The following MBOAT2 variants were observed in gnomAD, a reference collection of about 807,000 sequenced individuals.
MBOAT2 encodes the protein membrane bound glycerophospholipid O-acyltransferase 2.
In MBOAT2, 28 loss-of-function variants were observed where a neutral mutation model predicts 63.4. That is an observed-to-expected ratio of 0.44 (90% CI 0.33 to 0.61). The LOEUF is 0.61. Ranked by LOEUF, MBOAT2 falls within the 20% of genes least tolerant of loss-of-function variation. The pLI, the probability that MBOAT2 is intolerant of heterozygous loss-of-function variation, is 0.03. For synonymous variants in MBOAT2, 211 were observed against 215.6 expected (o/e 0.98, Z 0.19); for missense variants, 470 against 605.8 (o/e 0.78, Z 2.35).
chr2:8,873,537 T>A (rs1662493718), intron 7 of MBOAT2, among the ~76,000 whole-genome samples: 1 of 151,932 alleles, frequency 6.6e-6, no homozygotes, highest in Admixed American at 6.6e-5. Context: ...CATACTAAAA[T>A]CTCCATTTTG....
At chr2:8,947,170 A>C (rs1336208892) in intron 2 of MBOAT2, among the ~76,000 whole-genome samples, 1 of 152,262 alleles carries the variant, frequency 6.6e-6, no homozygotes, top group East Asian at 1.9e-4. Context: ...CAGAAGCTCA[A>C]ACCAGCCAAA....
At chr2:9,002,193 A>C (rs1672738156) in intron 1 of MBOAT2, among the ~76,000 whole-genome samples, 1 of 152,248 alleles carries the variant, frequency 6.6e-6, no homozygotes, top group African/African-American at 2.4e-5. Context: ...ATACTTTATT[A>C]GCAAGACACC....
intron 1 of MBOAT2, chr2:8,974,312 G>A (rs759411012): frequency 7.5e-5 from 34 of 452,768 alleles, no homozygotes; most frequent in Non-Finnish European, 1.2e-4. Context: ...GGGATTACTG[G>A]GAAAGTCTTC....
At chr2:8,969,939 T>C (rs1048840574) in intron 1 of MBOAT2, among the ~76,000 whole-genome samples, 3 of 152,196 alleles carry the variant, frequency 2.0e-5, no homozygotes, top group African/African-American at 7.2e-5. Context: ...TAACACCCAC[T>C]GTCAACATCA....
chr2:8,882,911 A>G (rs1663247469), intron 5 of MBOAT2, among the ~76,000 whole-genome samples: 1 of 152,226 alleles, frequency 6.6e-6, no homozygotes, highest in Admixed American at 6.5e-5. Context: ...GGGATGACTT[A>G]AATGACTACA....
At chr2:8,931,504 T>G (rs1300622689) in intron 3 of MBOAT2, among the ~76,000 whole-genome samples, 3 of 152,208 alleles carry the variant, frequency 2.0e-5, no homozygotes, top group Non-Finnish European at 2.9e-5. Context: ...GTCAGATGGT[T>G]AGATTGCAAA....
chr2:8,932,075 T>C (rs1667359061), intron 3 of MBOAT2, among the ~76,000 whole-genome samples: 3 of 152,196 alleles, frequency 2.0e-5, no homozygotes, highest in Admixed American at 2.0e-4. Flanking sequence ...TTGCCTCTGT[T>C]ACCCTTACCT....
intron 3 of MBOAT2, among the ~76,000 whole-genome samples, chr2:8,926,787 T>C (rs886850119): frequency 6.6e-6 from 1 of 151,606 alleles, no homozygotes; most frequent in Non-Finnish European, 1.5e-5. Flanking sequence ...GCTGGCAGAG[T>C]AATGTGAGAT....
At chr2:8,903,147 A>G (rs1316269644) in intron 4 of MBOAT2, among the ~76,000 whole-genome samples, 1 of 152,086 alleles carries the variant, frequency 6.6e-6, no homozygotes, top group Non-Finnish European at 1.5e-5. Flanking sequence ...CAAACCTTTA[A>G]CTAGGCACAA....
At chr2:8,933,237 GA>G (rs1425750917) in intron 3 of MBOAT2, among the ~76,000 whole-genome samples, 14 of 152,122 alleles carry the variant, frequency 9.2e-5, no homozygotes, top group Admixed American at 2.6e-4. Flanking sequence ...TTATCATAAA[GA>G]GTAATATTCT....
chr2:8,981,161 T>C (rs1671167112), intron 1 of MBOAT2, among the ~76,000 whole-genome samples: 1 of 152,184 alleles, frequency 6.6e-6, no homozygotes, highest in Admixed American at 6.5e-5. Context: ...GACGAGTGGC[T>C]GCTTAGGGCT....
At chr2:8,905,145 C>A (rs1665236500) in intron 4 of MBOAT2, among the ~76,000 whole-genome samples, 1 of 152,124 alleles carries the variant, frequency 6.6e-6, no homozygotes, top group Non-Finnish European at 1.5e-5. Flanking sequence ...CAGCTCAGCA[C>A]CAAGAGTGAG....
intron 1 of MBOAT2, among the ~76,000 whole-genome samples, chr2:9,002,081 A>T (rs1672728501): frequency 6.7e-6 from 1 of 150,138 alleles, no homozygotes; most frequent in East Asian, 1.9e-4. Context: ...GTCAGCAAGA[A>T]TCCTCCGCGG....
intron 12 of MBOAT2, among the ~76,000 whole-genome samples, chr2:8,860,230 G>T (rs1336585673): frequency 6.6e-6 from 1 of 152,000 alleles, no homozygotes; most frequent in African/African-American, 2.4e-5. Context: ...GTAAATAGCT[G>T]GTTTTTTCCC....
In MBOAT2 at chr2:8,877,186, C is replaced by T; in HGVS notation, c.534G>A (p.Leu178=). Residue 178 remains leucine, a synonymous_variant, in exon 7 of 13, where the codon TTG becomes TTA. Transcript: ENST00000305997. The stretch of plus-strand genomic sequence containing the variant: ...TCCCCATGAAGTTACAGTTGTAACT[C>T]AAATACTCCAGTAAGCTTGGCATGC... The part of the protein sequence containing the change: ...VRRMPSLLEY[L]SYNCNFMGIL... The T allele has an allele frequency of 1.2e-6, 2 of 1,612,626 alleles. No individual in the cohort carries two copies. The highest frequency in any genetic ancestry group is 8.5e-7 in the Non-Finnish European group (1 of 1,179,532).
intron 1 of MBOAT2, among the ~76,000 whole-genome samples, chr2:9,000,907 G>A (rs1672638953): frequency 6.6e-6 from 1 of 152,004 alleles, no homozygotes; most frequent in South Asian, 2.1e-4. Context: ...AAAACATACT[G>A]TACAGTTGTA....
At position 8,978,892 on chromosome 2, in the gene MBOAT2, T is replaced by G. The variant is rs968305252; in HGVS notation, c.76-20250A>C. On this transcript the variant is annotated intron_variant, in intron 1 of 12. Transcript: ENST00000305997. ...GGTGGGGGGAGGCAGGGGTCTATTT[T>G]GAATCCTTTTTTAATTCCTAAGTGT... Among the ~76,000 whole-genome samples, 5 of 152,048 alleles carry G rather than the reference T, an allele frequency of 3.3e-5. No individual in the cohort carries two copies. In the South Asian group the frequency reaches 1.0e-3, roughly 32 times the overall value.
At chr2:8,986,473 G>A (rs1261522811) in intron 1 of MBOAT2, among the ~76,000 whole-genome samples, 2 of 151,944 alleles carry the variant, frequency 1.3e-5, no homozygotes, top group East Asian at 3.9e-4. Flanking sequence ...TGAGGTGGGA[G>A]GATCACTTAA....
At position 8,896,234 on chromosome 2, in the gene MBOAT2, G is replaced by A. The variant is rs59311918; in HGVS notation, c.396-8161C>T. Among the ~76,000 whole-genome samples, 844 of 121,922 alleles carry A rather than the reference G, an allele frequency of 6.9e-3. 5 individuals are homozygous for A. Among genetic ancestry groups the A allele is most frequent in the African/African-American group, 0.026 (775 of 29,324 alleles). 80.0% of individuals were successfully genotyped at this position (121,922 alleles called of 152,430 possible). A position where few individuals can be genotyped will look rare whatever the true frequency, so the allele number is the denominator to read the frequency against. On this transcript the variant is annotated intron_variant, in intron 4 of 12. Transcript: ENST00000305997. ...AGCCTGGGTGACAGAGTGAGACTCC[G>A]TCTCAAAAAAAAAAAAAAAAAAAAA...
Sources: gnomAD v4.1 joint callset for allele counts (sites outside exome capture counted in the v4.1 genomes callset) on GRCh38, gnomAD v4.1.1 for gene constraint, MANE v1.5 for transcripts, NCBI Gene and HGNC (gene_info 2026-07-23, HGNC 2026-07-21) for gene names.